MAGI2: variants seen among roughly 807,000 people sequenced by gnomAD.
The protein encoded by MAGI2 is membrane-associated guanylate kinase, WW and PDZ domain-containing protein 2.
In MAGI2, 35 loss-of-function variants were observed where a neutral mutation model predicts 133.3. That is an observed-to-expected ratio of 0.26 (90% confidence interval 0.20 to 0.35). The LOEUF (loss-of-function observed/expected upper bound fraction) is 0.35. Among genes scored for constraint, MAGI2 ranks in the 10% least tolerant of loss-of-function variants. The probability of loss-of-function intolerance (pLI) is 1.00; values close to 1 mark genes in which losing one functional copy is unlikely to be tolerated. For missense variants in MAGI2, 1,636 were observed against 1,863.4 expected, an observed-to-expected ratio of 0.88 and a Z score of 2.25; for synonymous variants, 729 against 710.6, an observed-to-expected ratio of 1.03 and a Z score of -0.41.
At chr7:79,272,861 G>A (rs1196115576) in intron 1 of MAGI2, among the ~76,000 whole-genome samples, 1 of 151,836 alleles carries the variant, frequency 6.6e-6, no homozygotes, top group African/African-American at 2.4e-5. Context: ...GCCACCACTC[G>A]AATTCGAGAG....
intron 3 of MAGI2, among the ~76,000 whole-genome samples, chr7:78,576,127 C>G (rs539206679): frequency 5.1e-4 from 26 of 51,274 alleles, no homozygotes; most frequent in Middle Eastern, 0.014. Context: ...GAAAACACTT[C>G]TGTAAATTCA....
chr7:78,400,431 A>AATT lies in MAGI2; in HGVS notation c.1046-31221_1046-31219dup, dbSNP rs1796753287. On this transcript the variant is annotated intron_variant, in intron 6 of 21. Coordinates refer to ENST00000354212, the MANE Select transcript of MAGI2 (RefSeq NM_012301.4). Reference sequence around the variant, plus strand: ...TATATTGTCAATCTTAATTAACTAAAATTAGTTATTTAGTGTACAGATCTG... The same window carrying AATT: ...TATATTGTCAATCTTAATTAACTAAAATTATTAGTTATTTAGTGTACAGATCTG... Among the ~76,000 whole-genome samples, 4 of 152,292 alleles carry AATT rather than the reference A, an allele frequency of 2.6e-5. No homozygotes were observed. In the South Asian group the frequency reaches 8.3e-4, roughly 32 times the overall value.
At chr7:78,625,323 A>G (rs1808230741) in intron 3 of MAGI2, among the ~76,000 whole-genome samples, 1 of 152,040 alleles carries the variant, frequency 6.6e-6, no homozygotes, top group African/African-American at 2.4e-5. Flanking sequence ...TAATTTAAGT[A>G]TAGTAATTAT....
chr7:78,042,071 C>T (rs1217346275), intron 21 of MAGI2, among the ~76,000 whole-genome samples: 1 of 152,200 alleles, frequency 6.6e-6, no homozygotes, highest in African/African-American at 2.4e-5. Context: ...TCCATGAGTA[C>T]AGGAGACATG....
chr7:79,249,209 G>T (rs116589808), intron 1 of MAGI2, among the ~76,000 whole-genome samples: 1 of 152,094 alleles, frequency 6.6e-6, no homozygotes, highest in Non-Finnish European at 1.5e-5. Flanking sequence ...ATAAGTACCT[G>T]CATCAAAAAA....
At chr7:79,076,602 G>A (rs1815484170) in intron 1 of MAGI2, among the ~76,000 whole-genome samples, 1 of 152,120 alleles carries the variant, frequency 6.6e-6, no homozygotes, top group South Asian at 2.1e-4. Context: ...ATTGATAAAT[G>A]ATGTTATAAT....
intron 6 of MAGI2, among the ~76,000 whole-genome samples, chr7:78,429,657 C>T (rs149391973): frequency 3.3e-5 from 5 of 151,512 alleles, no homozygotes; most frequent in African/African-American, 7.2e-5. Flanking sequence ...GACGTTTTTT[C>T]GAAAGGCACA....
intron 6 of MAGI2, among the ~76,000 whole-genome samples, chr7:78,388,025 C>T (rs28571911): frequency 0.54 from 81,899 of 151,528 alleles, 23,066 homozygotes; most frequent in Middle Eastern, 0.66. Context: ...AAATACCCAA[C>T]GGCTATTAAA....
chr7:78,429,404 C>T (rs925013958), intron 6 of MAGI2, among the ~76,000 whole-genome samples: 29 of 152,066 alleles, frequency 1.9e-4, no homozygotes, highest in African/African-American at 3.9e-4. Context: ...TTACAGGCAG[C>T]GGTTTCAGAA....
intron 21 of MAGI2, among the ~76,000 whole-genome samples, chr7:78,028,054 A>G (rs1421528132): frequency 6.6e-6 from 1 of 152,222 alleles, no homozygotes; most frequent in Non-Finnish European, 1.5e-5. Context: ...TCAAAAGAAA[A>G]ACCTTTTAAG....
At chr7:78,955,729 CTTTCTT>C (rs1562712822) in intron 2 of MAGI2, among the ~76,000 whole-genome samples, 1 of 35,852 alleles carries the variant, frequency 2.8e-5, no homozygotes, top group Admixed American at 2.5e-4. Context: ...CTTTCTCTTT[CTTTCTT>C]TCTTTCTTTC....
intron 2 of MAGI2, among the ~76,000 whole-genome samples, chr7:78,744,707 A>G (rs1018910354): frequency 6.6e-6 from 1 of 152,212 alleles, no homozygotes; most frequent in Non-Finnish European, 1.5e-5. Flanking sequence ...TTGGATTAAT[A>G]TCACAGTATG....
chr7:78,887,222 G>A, intron 2 of MAGI2, among the ~76,000 whole-genome samples: 1 of 152,158 alleles, frequency 6.6e-6, no homozygotes, highest in East Asian at 1.9e-4. Context: ...TCACCATCCT[G>A]TCATCTAACT....
intron 6 of MAGI2, chr7:78,486,919 A>T: frequency 1.9e-6 from 1 of 520,742 alleles, no homozygotes; most frequent in South Asian, 1.4e-5. Context: ...AACGTACCCA[A>T]ATTTGAACTA....
chr7:79,252,748 A>T (rs1302062669), intron 1 of MAGI2, among the ~76,000 whole-genome samples: 1 of 152,180 alleles, frequency 6.6e-6, no homozygotes, highest in East Asian at 1.9e-4. Flanking sequence ...ATGTACCCAC[A>T]AATATTAAAA....
At chr7:78,632,624 A>G (rs1054866535) in intron 2 of MAGI2, among the ~76,000 whole-genome samples, 32 of 152,356 alleles carry the variant, frequency 2.1e-4, no homozygotes, top group African/African-American at 7.2e-4. Context: ...CGCCTCATAC[A>G]GGTATTTCTG....
At chr7:78,861,773 A>G (rs1423542767) in intron 2 of MAGI2, among the ~76,000 whole-genome samples, 1 of 152,236 alleles carries the variant, frequency 6.6e-6, no homozygotes, top group Non-Finnish European at 1.5e-5. Context: ...AATGATTGGA[A>G]TTATTGTGGC....
At chr7:78,322,429 C>T (rs548610683) in intron 9 of MAGI2, among the ~76,000 whole-genome samples, 23 of 152,234 alleles carry the variant, frequency 1.5e-4, no homozygotes, top group African/African-American at 5.3e-4. Context: ...ACTATGCAGC[C>T]ATAAAAAAGG....
intron 2 of MAGI2, among the ~76,000 whole-genome samples, chr7:78,922,447 G>GT (rs536841957): frequency 6.3e-4 from 95 of 151,398 alleles, no homozygotes; most frequent in African/African-American, 2.1e-3. Context: ...GCGGTGTTTG[G>GT]TTTTTTGTCC....
Sources: gnomAD v4.1 joint callset for allele counts (sites outside exome capture counted in the v4.1 genomes callset) on GRCh38, gnomAD v4.1.1 for gene constraint, MANE v1.5 for transcripts, NCBI Gene and HGNC (gene_info 2026-07-23, HGNC 2026-07-21) for gene names.